The following NAPB variants were observed in gnomAD, a reference collection of about 807,000 sequenced individuals.
NAPB encodes the protein beta-soluble NSF attachment protein.
Under a neutral mutation model 44.7 loss-of-function variants are expected in NAPB, and 26 were observed. The ratio of observed to expected loss-of-function variants is 0.58; its 90% CI spans 0.43 to 0.81. The LOEUF (loss-of-function observed/expected upper bound fraction) is 0.81, where lower values mean the gene tolerates loss of function less well. Ranked by LOEUF, NAPB falls within the 30% of genes least tolerant of loss-of-function variation. The pLI is 0.00. For synonymous variants in NAPB, 120 were observed against 116.8 expected, an observed-to-expected ratio of 1.03 and a Z score of -0.18; for missense variants, 315 against 356.4, an observed-to-expected ratio of 0.88 and a Z score of 0.94.
intron 5 of NAPB, among the ~76,000 whole-genome samples, chr20:23,392,447 C>A (rs1451861141): frequency 6.6e-6 from 1 of 152,042 alleles, no homozygotes; most frequent in East Asian, 2.0e-4. Flanking sequence ...GGGAGGACTG[C>A]TTGAGTCCAG....
At chr20:23,409,124 A>C (rs1292754143) in intron 1 of NAPB, among the ~76,000 whole-genome samples, 3 of 152,234 alleles carry the variant, frequency 2.0e-5, no homozygotes, top group African/African-American at 7.2e-5. Flanking sequence ...TGGAGCAGCC[A>C]GGCCTGTCTT....
intron 1 of NAPB, among the ~76,000 whole-genome samples, chr20:23,415,218 A>G (rs1985919644): frequency 6.6e-6 from 1 of 152,206 alleles, no homozygotes; most frequent in Admixed American, 6.5e-5. Context: ...ACCATCAGAA[A>G]AACTAATGAG....
chr20:23,377,318 T>C lies in NAPB; in HGVS notation c.*58A>G, dbSNP rs1982595628. 8.7e-7 allele frequency: 1 copy of C among 1,145,736 alleles called. No individual in the cohort carries two copies. Among genetic ancestry groups the C allele is most frequent in the Non-Finnish European group, 1.3e-6 (1 of 798,938 alleles). The allele number at this position is 1,145,736 out of a possible 1,614,324, so 71.0% of individuals were successfully genotyped here. A position where few individuals can be genotyped will look rare whatever the true frequency, so the allele number is the denominator to read the frequency against. On this transcript the variant is annotated 3_prime_UTR_variant, in exon 11 of 11. Transcript: ENST00000377026. ...TAAATAGGCATCCCATAAAGATCAC[T>C]TGACCCTAAGACAAAACTAAAGAGG...
chr20:23,407,361 T>C (rs1228706918), intron 1 of NAPB, among the ~76,000 whole-genome samples: 1 of 152,220 alleles, frequency 6.6e-6, no homozygotes, highest in East Asian at 1.9e-4. Context: ...GGAAAAAATA[T>C]TCTGTGGGGA....
At chr20:23,394,829 C>T in intron 5 of NAPB, 93 bp downstream of exon 5, 1 of 1,300,814 alleles carries the variant, frequency 7.7e-7, no homozygotes, top group Non-Finnish European at 1.1e-6. Flanking sequence ...GACCACTCTA[C>T]ACCTACGATC....
At chr20:23,418,462 C>T (rs1276566695) in intron 1 of NAPB, among the ~76,000 whole-genome samples, 2 of 152,172 alleles carry the variant, frequency 1.3e-5, no homozygotes, top group African/African-American at 2.4e-5. Context: ...CACAGGAACA[C>T]TACGTCTGTT....
chr20:23,377,226 A>ATAT lies in NAPB; in HGVS notation c.*149_*150insATA. The ATAT allele has an allele frequency of 2.4e-6, 1 of 419,924 alleles. No homozygotes were observed. Among genetic ancestry groups the ATAT allele is most frequent in the Non-Finnish European group, 4.3e-6 (1 of 232,816 alleles). 26.0% of individuals were successfully genotyped at this position (419,924 alleles called of 1,614,324 possible). A position where few individuals can be genotyped will look rare whatever the true frequency, so the allele number is the denominator to read the frequency against. On this transcript the variant is annotated 3_prime_UTR_variant, in exon 11 of 11. Coordinates refer to ENST00000377026, the MANE Select transcript of NAPB (RefSeq NM_022080.3). ...GCCTCTCCTTCATTCATTTCACAGC[A>ATAT]ACACAGACTTGGCGAGCTTAAACAA...
At chr20:23,417,469 T>C (rs1986089113) in intron 1 of NAPB, among the ~76,000 whole-genome samples, 2 of 152,170 alleles carry the variant, frequency 1.3e-5, no homozygotes, top group Non-Finnish European at 2.9e-5. Flanking sequence ...ATGGAGGGGA[T>C]AGTATTATAA....
intron 1 of NAPB, among the ~76,000 whole-genome samples, chr20:23,409,268 A>G (rs988252589): frequency 6.6e-6 from 1 of 152,232 alleles, no homozygotes; most frequent in Non-Finnish European, 1.5e-5. Flanking sequence ...TTAATTAAGG[A>G]CAAAAATCAT....
intron 2 of NAPB, among the ~76,000 whole-genome samples, chr20:23,398,250 G>C (rs1469774281): frequency 6.6e-6 from 1 of 152,154 alleles, no homozygotes; most frequent in Non-Finnish European, 1.5e-5. Flanking sequence ...GATCTACCAG[G>C]AAAAGCATGG....
Position 23,377,504 on chromosome 20 carries a change from G to GGA in NAPB, c.787-19_787-18insTC. The GGA allele has an allele frequency of 1.3e-6, 2 of 1,534,448 alleles. No individual in the cohort carries two copies. Among genetic ancestry groups the GGA allele is most frequent in the South Asian group, 2.4e-5 (2 of 83,244 alleles). ...TCCTTCACCTAGTATAAGGAAAGAG[G>GGA]AACAGGAATTACCCCATGTAAATAC... is the stretch of plus-strand genomic sequence containing the variant. On this transcript the variant is annotated intron_variant, in intron 10 of 10. Transcript: ENST00000377026.
intron 1 of NAPB, among the ~76,000 whole-genome samples, chr20:23,420,915 T>A (rs1986369094): frequency 6.7e-6 from 1 of 148,700 alleles, no homozygotes; most frequent in Non-Finnish European, 1.5e-5. Flanking sequence ...CCTGTGAGAC[T>A]CTGGGGATTC....
At chr20:23,382,805 G>T (rs1239573679) in intron 7 of NAPB, among the ~76,000 whole-genome samples, 1 of 152,164 alleles carries the variant, frequency 6.6e-6, no homozygotes, top group African/African-American at 2.4e-5. Context: ...AGGACCCATG[G>T]GATAATAAAA....
intron 1 of NAPB, among the ~76,000 whole-genome samples, chr20:23,403,815 G>GAGTTCAGCACTATGTTTATTC (rs1985036256): frequency 6.6e-6 from 1 of 152,130 alleles, no homozygotes; most frequent in Non-Finnish European, 1.5e-5. Flanking sequence ...TATCTCCCAA[G>GAGTTCAGCACTATGTTTATTC]AGTTCAGCAC....
chr20:23,396,941 A>AT, intron 3 of NAPB, 131 bp downstream of exon 3: 1 of 953,610 alleles, frequency 1.0e-6, no homozygotes, highest in Non-Finnish European at 1.5e-6. Context: ...AAAATTCTCT[A>AT]TTATTCCAAA....
chr20:23,398,379 CT>C (rs1330728011), intron 2 of NAPB, among the ~76,000 whole-genome samples: 1 of 151,974 alleles, frequency 6.6e-6, no homozygotes, highest in Non-Finnish European at 1.5e-5. Flanking sequence ...CAATTCTTTT[CT>C]TTTTTTCAAG....
intron 7 of NAPB, 36 bp from the exon 8 acceptor site, chr20:23,381,353 T>G: frequency 1.5e-6 from 2 of 1,346,658 alleles, no homozygotes; most frequent in Non-Finnish European, 2.0e-6. Context: ...TTAAAAGATT[T>G]ACCCTCTTAT....
chr20:23,388,209 C>T (rs1284688920), intron 7 of NAPB, among the ~76,000 whole-genome samples: 3 of 151,982 alleles, frequency 2.0e-5, no homozygotes, highest in Non-Finnish European at 2.9e-5. Flanking sequence ...TATAATCAAG[C>T]GAATCAATTC....
chr20:23,406,640 A>T (rs1032221703), intron 1 of NAPB, among the ~76,000 whole-genome samples: 1 of 151,028 alleles, frequency 6.6e-6, no homozygotes, highest in Non-Finnish European at 1.5e-5. Context: ...TCTACACATT[A>T]AAAAAAAAGA....
Sources: allele counts gnomAD v4.1 joint callset (sites outside exome capture counted in the v4.1 genomes callset), GRCh38; gene constraint gnomAD v4.1.1; transcripts MANE v1.5; gene names NCBI Gene and HGNC (gene_info 2026-07-23, HGNC 2026-07-21).